C10orf53: variants seen among roughly 807,000 people sequenced by gnomAD.
The protein encoded by C10orf53 is chromosome 10 open reading frame 53.
A neutral mutation model predicts 9.4 loss-of-function variants in C10orf53; 8 were observed. The observed-to-expected ratio is 0.85, with a 90% CI of 0.50 to 1.53. The LOEUF (loss-of-function observed/expected upper bound fraction) is 1.53. C10orf53 is among the 40% of genes most tolerant of loss of function. The pLI, the probability that C10orf53 is intolerant of heterozygous loss-of-function variation, is 0.00. For synonymous variants in C10orf53, 48 were observed against 46.0 expected (o/e 1.04, Z -0.18); for missense variants, 117 against 117.8 (o/e 0.99, Z 0.03).
intron 2 of C10orf53, among the ~76,000 whole-genome samples, chr10:49,705,556 G>A (rs1840716910): frequency 6.6e-6 from 1 of 151,898 alleles, no homozygotes; most frequent in Admixed American, 6.6e-5. Flanking sequence ...AATGGTGCAG[G>A]GACAACTGGA....
intron 1 of C10orf53, among the ~76,000 whole-genome samples, chr10:49,689,848 GT>G (rs55959413): frequency 1.3e-5 from 2 of 152,012 alleles, no homozygotes; most frequent in Admixed American, 6.6e-5. Flanking sequence ...TAATTTTAAA[GT>G]TTTTTTAAAA....
At position 49,695,614 on chromosome 10, in the gene C10orf53, C is replaced by A. The variant is rs551788797; in HGVS notation, c.*1012C>A. ...GAGCAGTCCTAACCATCGCCCCAGG[C>A]AGCCTCAAACCCTCCTGCACCCCAG... On this transcript the variant is annotated 3_prime_UTR_variant, in exon 3 of 3. Coordinates refer to ENST00000374111, the MANE Select transcript of C10orf53 (RefSeq NM_001042427.3). 6.6e-6 allele frequency: 1 copy of A among 152,438 alleles called. No individual in the cohort carries two copies. Among genetic ancestry groups the A allele is most frequent in the African/African-American group, 2.4e-5 (1 of 41,576 alleles). 9.4% of individuals were successfully genotyped at this position (152,438 alleles called of 1,614,324 possible). A position where few individuals can be genotyped will look rare whatever the true frequency, so the allele number is the denominator to read the frequency against.
At position 49,694,676 on chromosome 10, in the gene C10orf53, T is replaced by C; in HGVS notation, c.*74T>C. 1 of 1,610,382 alleles carries C rather than the reference T, an allele frequency of 6.2e-7. No individual in the cohort carries two copies. Among genetic ancestry groups the C allele is most frequent in the Non-Finnish European group, 8.5e-7 (1 of 1,178,184 alleles). On this transcript the variant is annotated 3_prime_UTR_variant, in exon 3 of 3. Coordinates refer to ENST00000374111, the MANE Select transcript of C10orf53 (RefSeq NM_001042427.3). ...AGCCATTCTATGATGCAGGCAGAAG[T>C]GGCTGTGCCACGGTGTGGACACTGG...
chr10:49,699,523 G>C (rs894508736), downstream of C10orf53, among the ~76,000 whole-genome samples: 1 of 151,872 alleles, frequency 6.6e-6, no homozygotes, highest in African/African-American at 2.4e-5. Flanking sequence ...AAAAATTGGT[G>C]CCAACTGAAA....
At chr10:49,697,798 G>A (rs924583325), downstream of C10orf53, among the ~76,000 whole-genome samples, 4 of 152,014 alleles carry the variant, frequency 2.6e-5, no homozygotes, top group African/African-American at 7.2e-5. Flanking sequence ...CACCCACCTC[G>A]GCCTCCCAAA....
At chr10:49,707,014 G>T (rs56398141) in intron 2 of C10orf53, among the ~76,000 whole-genome samples, 6,220 of 152,248 alleles carry the variant, frequency 0.041, 184 homozygotes, top group African/African-American at 0.072. Context: ...CTCCTATGTT[G>T]TTTGATTTTT....
intron 1 of C10orf53, among the ~76,000 whole-genome samples, chr10:49,688,044 T>C (rs2132877931): frequency 6.6e-6 from 1 of 152,302 alleles, no homozygotes; most frequent in South Asian, 2.1e-4. Context: ...GCTATGACTT[T>C]AAATGACATT....
rs762004569 is a variant in C10orf53, at chr10:49,679,763, G to A, written c.66G>A (p.Glu22=). 7 of 1,545,332 alleles carry A rather than the reference G, an allele frequency of 4.5e-6. No homozygotes were observed. In the African/African-American group the frequency reaches 9.6e-5, roughly 21 times the overall value. Residue 22 remains glutamate (E), a synonymous_variant, in exon 1 of 3, where the codon GAG becomes GAA. Transcript: ENST00000374111. ...GPYSAAGLPV[E]HHTFRLQGLQ... ...ACAGCGCGGCAGGCCTACCGGTGGAGCACCACACCTTCCGCCTGCAGGGCC... is the reference window on the plus strand; with the variant it reads ...ACAGCGCGGCAGGCCTACCGGTGGAACACCACACCTTCCGCCTGCAGGGCC...
At chr10:49,683,556 A>AT (rs1456609706) in intron 1 of C10orf53, among the ~76,000 whole-genome samples, 1 of 151,688 alleles carries the variant, frequency 6.6e-6, no homozygotes, top group African/African-American at 2.4e-5. Context: ...TTTTTTTCTT[A>AT]TTTTGCCTGT....
intron 2 of C10orf53, among the ~76,000 whole-genome samples, chr10:49,706,014 G>C (rs1840719951): frequency 6.6e-6 from 1 of 152,164 alleles, no homozygotes; most frequent in Non-Finnish European, 1.5e-5. Flanking sequence ...AAGATGCTCA[G>C]CATCATTAGA....
In C10orf53 at chr10:49,694,778, A is replaced by G; in HGVS notation, c.*176A>G. ...CCTCAGGATTGTCACCTGGCTGCAC[A>G]GGAGCCCACAGAAATAATAAAAACC... On this transcript the variant is annotated 3_prime_UTR_variant, in exon 3 of 3. Transcript: ENST00000374111. The G allele has an allele frequency of 2.8e-6, 4 of 1,410,388 alleles. No homozygotes were observed. The highest frequency in any genetic ancestry group is 2.5e-5 in the East Asian group (1 of 39,542). 87.4% of individuals were successfully genotyped at this position (1,410,388 alleles called of 1,614,324 possible). A position where few individuals can be genotyped will look rare whatever the true frequency, so the allele number is the denominator to read the frequency against.
Position 49,687,369 on chromosome 10 carries a change from A to G in C10orf53, c.98-6405A>G, listed in dbSNP as rs112430094. On this transcript the variant is annotated intron_variant, in intron 1 of 2. Coordinates refer to ENST00000374111, the MANE Select transcript of C10orf53 (RefSeq NM_001042427.3). ...TCCCCATCTAGTTTGTCCACAAATC[A>G]TGTCAGCTTTAGTTGTCACCTCTCC... Among the ~76,000 whole-genome samples, 273 of 152,338 alleles carry G rather than the reference A, an allele frequency of 1.8e-3. 1 individual carries two copies. The highest frequency in any genetic ancestry group is 6.0e-3 in the African/African-American group (249 of 41,568).
downstream of C10orf53, among the ~76,000 whole-genome samples, chr10:49,701,551 C>A (rs767475119): frequency 6.6e-6 from 1 of 152,146 alleles, no homozygotes; most frequent in Non-Finnish European, 1.5e-5. Flanking sequence ...AATCAGGGTA[C>A]CCCAAATTTC....
chr10:49,702,740 T>C (rs1465773834), intron 2 of C10orf53, among the ~76,000 whole-genome samples: 1 of 152,202 alleles, frequency 6.6e-6, no homozygotes, highest in African/African-American at 2.4e-5. Flanking sequence ...ATAGACTATA[T>C]AGATATACAT....
chr10:49,703,138 G>A (rs922843811), intron 2 of C10orf53, among the ~76,000 whole-genome samples: 2 of 151,926 alleles, frequency 1.3e-5, no homozygotes, highest in Non-Finnish European at 1.5e-5. Flanking sequence ...TTCTTTCCCC[G>A]CCAATTCCAC....
At chr10:49,682,597 G>A (rs1440135095) in intron 1 of C10orf53, among the ~76,000 whole-genome samples, 1 of 97,150 alleles carries the variant, frequency 1.0e-5, no homozygotes, top group East Asian at 2.5e-4. Context: ...TGCTGCTGGC[G>A]CAGGTGGCCA....
rs570589352 is a variant in C10orf53, at chr10:49,690,759, C to T, written c.98-3015C>T. On this transcript the variant is annotated intron_variant, in intron 1 of 2. Coordinates refer to ENST00000374111, the MANE Select transcript of C10orf53 (RefSeq NM_001042427.3). Reference sequence around the variant, plus strand: ...AATCCATAAAATAGAATCCACCCCACGTAGCTGAGACACTCTGTGTGGCAT... The same window carrying T: ...AATCCATAAAATAGAATCCACCCCATGTAGCTGAGACACTCTGTGTGGCAT... Among the ~76,000 whole-genome samples, 20 of 152,322 alleles carry T rather than the reference C, an allele frequency of 1.3e-4. No individual in the cohort carries two copies. In the Middle Eastern group the frequency reaches 0.02, roughly 155 times the overall value.
intron 2 of C10orf53, among the ~76,000 whole-genome samples, chr10:49,705,401 G>A (rs1280786938): frequency 1.3e-5 from 2 of 152,158 alleles, no homozygotes; most frequent in South Asian, 2.1e-4. Flanking sequence ...AAATAAGGCA[G>A]TTGTATTTAG....
chr10:49,709,901 G>T (rs7091646), exon 3 of C10orf53: 6,957 of 151,988 alleles, frequency 0.046, 245 homozygotes, highest in South Asian at 0.087. Context: ...GTTCCCTGCA[G>T]CCTTGCTCTG....
Sources: allele counts gnomAD v4.1 joint callset (sites outside exome capture counted in the v4.1 genomes callset), GRCh38; gene constraint gnomAD v4.1.1; transcripts MANE v1.5; gene names NCBI Gene and HGNC (gene_info 2026-07-23, HGNC 2026-07-21).